The following ACSBG1 variants were observed in gnomAD, a reference collection of about 807,000 sequenced individuals.
The protein encoded by ACSBG1 is long-chain-fatty-acid--CoA ligase ACSBG1.
ACSBG1 carries 39 observed loss-of-function variants against 80.2 expected under a neutral mutation model. That is an observed-to-expected ratio of 0.49 (90% CI 0.38 to 0.64). The LOEUF (loss-of-function observed/expected upper bound fraction) is 0.64, where lower values mean the gene tolerates loss of function less well. Ranked by LOEUF, ACSBG1 falls within the 30% of genes least tolerant of loss-of-function variation. The pLI, the probability that ACSBG1 is intolerant of heterozygous loss-of-function variation, is 0.00. For synonymous variants in ACSBG1, 392 were observed against 379.5 expected (o/e 1.03, Z -0.38); for missense variants, 828 against 966.4 (o/e 0.86, Z 1.90).
In ACSBG1 at chr15:78,178,761, A is replaced by G; in HGVS notation, c.1555T>C (p.Cys519Arg). 1 of 1,614,154 alleles carries G rather than the reference A, an allele frequency of 6.2e-7. No individual in the cohort carries two copies. Among genetic ancestry groups the G allele is most frequent in the Non-Finnish European group, 8.5e-7 (1 of 1,180,046 alleles). The stretch of plus-strand genomic sequence containing the variant: ...ATGAATATGGTGCGGCCCCACAGGC[A>G]GATCTCGCCAATGCCCTCTGCGTCC... ...NQDAEGIGEI[C>R]LWGRTIFMGY... The change falls in exon 11 of 14, where the codon TGC (cysteine) becomes CGC (arginine). Residue 519 changes from cysteine (C) to arginine (R), a missense_variant. Physicochemically the swap from Cys to Arg is radical, Grantham distance 180. Around this residue, in one of 3 missense-constraint regions of ACSBG1, gnomAD observed 271 missense variants for 375.9 expected, o/e 0.72. Transcript: ENST00000258873. The surrounding 1 kb of genome is among the most constrained non-coding windows in gnomAD (Gnocchi z 4.3).
chr15:78,204,714 G>A (rs954116735), intron 2 of ACSBG1, among the ~76,000 whole-genome samples: 1 of 152,226 alleles, frequency 6.6e-6, no homozygotes, highest in Non-Finnish European at 1.5e-5. Flanking sequence ...GCGGGGACAG[G>A]CAGGTCCTCT....
Position 78,172,597 on chromosome 15 carries a change from A to G in ACSBG1, c.2089+996T>C, listed in dbSNP as rs1203925183. On this transcript the variant is annotated intron_variant, in intron 13 of 13. Transcript: ENST00000258873. This position sits in a 1 kb window ranked among gnomAD's most constrained non-coding sequence, Gnocchi z 4.1. ...ATTATATTAACTGCTTAGTGAAGAC[A>G]TCTTCTGTCTCTCTGACCTTGCGTT... 6.6e-6 allele frequency among the ~76,000 whole-genome samples: 1 copy of G among 152,210 alleles called. No homozygotes were observed. The highest frequency in any genetic ancestry group is 1.5e-5 in the Non-Finnish European group (1 of 68,026).
chr15:78,182,073 C>T lies in ACSBG1; in HGVS notation c.967G>A (p.Val323Ile). ...ATATGGCTGAGGGGCAGGTAGCTGACTACCACCTCCTGCTGGACTTCTGCC... is the reference window on the plus strand; with the variant it reads ...ATATGGCTGAGGGGCAGGTAGCTGATTACCACCTCCTGCTGGACTTCTGCC... ...RPAEVQQEVV[V>I]SYLPLSHIAA... The change falls in exon 8 of 14, where the codon GTC (valine) becomes ATC (isoleucine). Residue 323 changes from valine (V) to isoleucine (I), a missense_variant. Val to Ile is a conservative substitution (Grantham distance 29). Transcript: ENST00000258873. 1 of 1,613,832 alleles carries T rather than the reference C, an allele frequency of 6.2e-7. No homozygotes were observed.
In ACSBG1 at chr15:78,179,795, A is replaced by T. The variant is rs2074922455; in HGVS notation, c.1254-15T>A. ...GCTTCAGGTCGCTGGTGGGAGAGGG[A>T]GAATGGTTCACAGAAGAAATCACAC... On this transcript the variant is annotated splice_polypyrimidine_tract_variant and intron_variant, in intron 9 of 13. Transcript: ENST00000258873. 6.3e-7 allele frequency: 1 copy of T among 1,576,984 alleles called. No homozygotes were observed. The highest frequency in any genetic ancestry group is 1.4e-5 in the African/African-American group (1 of 73,708).
chr15:78,191,184 T>G (rs995622872), intron 5 of ACSBG1, among the ~76,000 whole-genome samples: 1 of 152,228 alleles, frequency 6.6e-6, no homozygotes, highest in Admixed American at 6.5e-5. Flanking sequence ...TTCTTAATGA[T>G]CAAGGGTTAA....
intron 11 of ACSBG1, among the ~76,000 whole-genome samples, chr15:78,175,657 G>C (rs1356498144): frequency 6.6e-6 from 1 of 152,228 alleles, no homozygotes; most frequent in African/African-American, 2.4e-5. Flanking sequence ...GAGCTGGATT[G>C]TGTGCAGGCA....
chr15:78,225,061 C>A (rs2075388936), intron 1 of ACSBG1, among the ~76,000 whole-genome samples: 1 of 151,974 alleles, frequency 6.6e-6, no homozygotes, highest in African/African-American at 2.4e-5. Context: ...ATTAAAAAAT[C>A]AATTATATTT....
At chr15:78,198,925 T>A (rs912800381) in intron 2 of ACSBG1, among the ~76,000 whole-genome samples, 1 of 152,056 alleles carries the variant, frequency 6.6e-6, no homozygotes, top group Non-Finnish European at 1.5e-5. Context: ...TGTATAGTAA[T>A]ACATAATAAA....
At chr15:78,188,267 T>C (rs2141340212) in intron 5 of ACSBG1, among the ~76,000 whole-genome samples, 1 of 152,124 alleles carries the variant, frequency 6.6e-6, no homozygotes, top group Non-Finnish European at 1.5e-5. Flanking sequence ...AATTTACAGA[T>C]TCAATGCCAT....
At chr15:78,182,437 C>G (rs202069834) in intron 7 of ACSBG1, 29 bp downstream of exon 7, 5 of 1,611,200 alleles carry the variant, frequency 3.1e-6, no homozygotes, top group East Asian at 4.5e-5. Context: ...CCCTTGCACC[C>G]CCCCCACCCC....
rs1397149793 is a variant in ACSBG1 at position 78,180,944 on chromosome 15, C to T, written c.1072-8G>A. 5 of 1,611,886 alleles carry T rather than the reference C, an allele frequency of 3.1e-6. No individual in the cohort carries two copies. The highest frequency in any genetic ancestry group is 4.2e-6 in the Non-Finnish European group (5 of 1,178,414). On this transcript the variant is annotated splice_region_variant and splice_polypyrimidine_tract_variant and intron_variant, in intron 8 of 13. Transcript: ENST00000258873. ...CGTGTTCACCAGGCTCCCCTGTTCA[C>T]ACCAGAAGAGGCAGGCCTGTTGGGT...
In ACSBG1 at chr15:78,178,777, C is replaced by T; in HGVS notation, c.1539G>A (p.Glu513=). 1 of 1,614,022 alleles carries T rather than the reference C, an allele frequency of 6.2e-7. No homozygotes were observed. The highest frequency in any genetic ancestry group is 8.5e-7 in the Non-Finnish European group (1 of 1,180,024). The change falls in exon 11 of 14, where the codon GAG becomes GAA. Residue 513 remains glutamate (E), a synonymous_variant. Transcript: ENST00000258873. This position sits in a 1 kb window ranked among gnomAD's most constrained non-coding sequence, Gnocchi z 4.3. ...CRVKLVNQDA[E]GIGEICLWGR... is the part of the protein sequence containing the mutation. ...CCCACAGGCAGATCTCGCCAATGCC[C>T]TCTGCGTCCTGGTTCACCAGCTTCA... is the stretch of plus-strand genomic sequence containing the variant.
intron 2 of ACSBG1, among the ~76,000 whole-genome samples, chr15:78,199,724 T>C (rs1440673440): frequency 6.6e-6 from 1 of 151,208 alleles, no homozygotes; most frequent in African/African-American, 2.4e-5. Context: ...CTTGAACTCC[T>C]GGTCTCAAGC....
At chr15:78,233,821 T>G (rs187248042) in intron 1 of ACSBG1, among the ~76,000 whole-genome samples, 1 of 152,338 alleles carries the variant, frequency 6.6e-6, no homozygotes, top group East Asian at 1.9e-4. Context: ...GGGTGGGCAT[T>G]GGTGAATGCC....
chr15:78,211,577 A>T (rs1052546255), intron 1 of ACSBG1, among the ~76,000 whole-genome samples: 1 of 152,250 alleles, frequency 6.6e-6, no homozygotes, highest in Non-Finnish European at 1.5e-5. Context: ...TTCACAGAAA[A>T]CAAAAACACT....
chr15:78,207,548 T>C (rs2075227123), intron 2 of ACSBG1, among the ~76,000 whole-genome samples: 1 of 152,086 alleles, frequency 6.6e-6, no homozygotes, highest in East Asian at 1.9e-4. Context: ...ATCAAGAAGA[T>C]AACATGTAAT....
chr15:78,209,125 C>T, intron 1 of ACSBG1: 1 of 455,858 alleles, frequency 2.2e-6, no homozygotes, highest in Non-Finnish European at 4.4e-6. Flanking sequence ...GCCCAGTTCC[C>T]AGGAAGCCGG....
At chr15:78,180,516 C>T (rs1288743313) in intron 9 of ACSBG1, among the ~76,000 whole-genome samples, 1 of 152,130 alleles carries the variant, frequency 6.6e-6, no homozygotes, top group Non-Finnish European at 1.5e-5. Flanking sequence ...AATTTCACTT[C>T]AGAGAAAGCA....
At chr15:78,181,399 T>G (rs953366552) in intron 8 of ACSBG1, among the ~76,000 whole-genome samples, 1 of 152,018 alleles carries the variant, frequency 6.6e-6, no homozygotes, top group African/African-American at 2.4e-5. Context: ...GCTGTAGCCT[T>G]CTGGTGATAC....
Sources: gnomAD v4.1 joint callset for allele counts (sites outside exome capture counted in the v4.1 genomes callset) on GRCh38, gnomAD v4.1.1 for gene constraint, gnomAD v4.1.1 regional missense constraint, Gnocchi (gnomAD v3.1) non-coding constraint, MANE v1.5 for transcripts, NCBI Gene and HGNC (gene_info 2026-07-23, HGNC 2026-07-21) for gene names.